Variants in EXOC2 observed in about 807,000 individuals in gnomAD.
The protein encoded by EXOC2 is exocyst complex component 2.
A neutral mutation model predicts 131.8 loss-of-function variants in EXOC2; 70 were observed. That is an observed-to-expected ratio of 0.53 (90% confidence interval 0.44 to 0.65). The LOEUF (loss-of-function observed/expected upper bound fraction) is 0.65, where lower values mean the gene tolerates loss of function less well. Ranked by LOEUF, EXOC2 falls within the 30% of genes least tolerant of loss-of-function variation. The probability of loss-of-function intolerance (pLI) is 0.00; values close to 1 mark genes in which losing one functional copy is unlikely to be tolerated. For missense variants in EXOC2, 923 were observed against 1,108.6 expected, an observed-to-expected ratio of 0.83 and a Z score of 2.38; for synonymous variants, 411 against 398.4, an observed-to-expected ratio of 1.03 and a Z score of -0.38.
At chr6:504,471 C>CA (rs1466470484) in intron 23 of EXOC2, among the ~76,000 whole-genome samples, 1 of 152,222 alleles carries the variant, frequency 6.6e-6, no homozygotes, top group Admixed American at 6.5e-5. Context: ...GTGACGGTGA[C>CA]AGAGGGGCCA....
Position 618,555 on chromosome 6 carries a change from A to G in EXOC2, c.537-720T>C, listed in dbSNP as rs193061958. ...ATAGAAATTCTACATCTGTAATGTA[A>G]AATCAGAATCATCTTCTACAATGAA... On this transcript the variant is annotated intron_variant, in intron 5 of 27. Transcript: ENST00000230449. 3.0e-4 allele frequency among the ~76,000 whole-genome samples: 45 copies of G among 152,366 alleles called. No homozygotes were observed. In the East Asian group the frequency reaches 6.7e-3, roughly 23 times the overall value.
At chr6:510,828 AT>A (rs977053273) in intron 23 of EXOC2, among the ~76,000 whole-genome samples, 6 of 152,016 alleles carry the variant, frequency 3.9e-5, no homozygotes, top group South Asian at 2.1e-4. Flanking sequence ...TTTGTCAGAA[AT>A]TTTTTTTTCA....
chr6:629,902 C>T lies in EXOC2; in HGVS notation c.355G>A (p.Asp119Asn). The change falls in exon 4 of 28, where the codon GAC becomes AAC. Residue 119 changes from aspartate (D) to asparagine (N), a missense_variant. Physicochemically the swap from Asp to Asn is conservative, Grantham distance 23. Transcript: ENST00000230449. ...AAGGGCGGAATTCCTTTGTTCCTGT[C>T]AGTGCGCATATCATAATAATTCATT... The part of the protein sequence containing the change: ...DEMNYYDMRT[D>N]RNKGIPPLSL... The T allele has an allele frequency of 1.9e-6, 3 of 1,614,156 alleles. No individual in the cohort carries two copies. The highest frequency in any genetic ancestry group is 2.5e-6 in the Non-Finnish European group (3 of 1,179,994).
chr6:566,716 G>A (rs771658252), intron 13 of EXOC2, among the ~76,000 whole-genome samples: 17 of 152,162 alleles, frequency 1.1e-4, no homozygotes, highest in East Asian at 9.7e-4. Context: ...TGTCTATACC[G>A]TCTAGTTTGT....
At chr6:544,695 A>T (rs990376149) in intron 22 of EXOC2, among the ~76,000 whole-genome samples, 1 of 152,214 alleles carries the variant, frequency 6.6e-6, no homozygotes, top group Non-Finnish European at 1.5e-5. Flanking sequence ...ATAAGCTACA[A>T]TAATCAAACA....
intron 25 of EXOC2, among the ~76,000 whole-genome samples, chr6:495,893 CT>C (rs60591084): frequency 0.043 from 6,599 of 152,124 alleles, 494 homozygotes; most frequent in African/African-American, 0.15. Flanking sequence ...GCTCCGCTTG[CT>C]TTTTTCCCCC....
intron 26 of EXOC2, among the ~76,000 whole-genome samples, chr6:490,387 A>C (rs1763361393): frequency 1.3e-5 from 2 of 152,232 alleles, no homozygotes; most frequent in African/African-American, 4.8e-5. Context: ...GGTGTGGCTC[A>C]ACAGTGAACA....
At chr6:516,584 T>C (rs552878896) in intron 23 of EXOC2, among the ~76,000 whole-genome samples, 14 of 152,314 alleles carry the variant, frequency 9.2e-5, no homozygotes, top group Admixed American at 8.5e-4. Flanking sequence ...GACTAAACTG[T>C]TTAAGAACAG....
intron 23 of EXOC2, among the ~76,000 whole-genome samples, chr6:502,936 C>CTA (rs1050650241): frequency 6.6e-6 from 1 of 152,154 alleles, no homozygotes; most frequent in East Asian, 1.9e-4. Context: ...AGTGGTACCG[C>CTA]TAGTCAAACC....
intron 1 of EXOC2, chr6:655,842 TC>T (rs548985210): frequency 1.6e-5 from 5 of 316,316 alleles, no homozygotes; most frequent in East Asian, 5.9e-5. Flanking sequence ...ACCCTGTTTT[TC>T]CCCCCCGAAA....
intron 16 of EXOC2, among the ~76,000 whole-genome samples, chr6:563,349 AAG>A (rs1227113341): frequency 2.0e-5 from 3 of 152,220 alleles, no homozygotes; most frequent in African/African-American, 7.2e-5. Context: ...GTAATCAACT[AAG>A]AGGGGAATAT....
intron 1 of EXOC2, among the ~76,000 whole-genome samples, chr6:687,182 T>TTTTC: frequency 8.0e-6 from 1 of 124,322 alleles, no homozygotes; most frequent in African/African-American, 3.0e-5. Context: ...TTTTTTTTTT[T>TTTTC]TTTTTTTTTT....
chr6:557,668 TGG>T (rs1399207248), intron 17 of EXOC2, among the ~76,000 whole-genome samples: 1 of 145,336 alleles, frequency 6.9e-6, no homozygotes, highest in Admixed American at 6.8e-5. Flanking sequence ...ACAATCATGA[TGG>T]GGGATCGGCT....
chr6:690,790 C>A (rs180710941), intron 1 of EXOC2, among the ~76,000 whole-genome samples: 49 of 152,306 alleles, frequency 3.2e-4, no homozygotes, highest in African/African-American at 1.2e-3. Context: ...CTAATATAAA[C>A]ATACTCTAAA....
intron 15 of EXOC2, 118 bp downstream of exon 15, chr6:564,427 G>A (rs1757860047): frequency 7.2e-7 from 1 of 1,394,352 alleles, no homozygotes; most frequent in South Asian, 1.3e-5. Flanking sequence ...AAACAGTGGA[G>A]GCAAAAGGAC....
chr6:614,974 A>G (rs1303432763), intron 6 of EXOC2, among the ~76,000 whole-genome samples: 1 of 152,144 alleles, frequency 6.6e-6, no homozygotes, highest in Non-Finnish European at 1.5e-5. Flanking sequence ...CACAAAAAAG[A>G]TATCTCTGAA....
At chr6:663,590 T>A (rs781279928) in intron 1 of EXOC2, among the ~76,000 whole-genome samples, 2 of 152,148 alleles carry the variant, frequency 1.3e-5, no homozygotes, top group African/African-American at 4.8e-5. Context: ...TAATCCACCA[T>A]GATCAAGGGA....
At chr6:493,077 A>G (rs1253024194) in intron 25 of EXOC2, among the ~76,000 whole-genome samples, 1 of 152,230 alleles carries the variant, frequency 6.6e-6, no homozygotes, top group Non-Finnish European at 1.5e-5. Context: ...GACACACAGG[A>G]GAACATTTAA....
intron 1 of EXOC2, among the ~76,000 whole-genome samples, chr6:658,669 T>TTATATATATATATATA (rs1561983485): frequency 9.5e-6 from 1 of 104,938 alleles, no homozygotes; most frequent in Non-Finnish European, 2.0e-5. Flanking sequence ...ATATATATTT[T>TTATATATATATATATA]TTTTTTTTTT....
Sources: gnomAD v4.1 joint callset for allele counts (sites outside exome capture counted in the v4.1 genomes callset) on GRCh38, gnomAD v4.1.1 for gene constraint, MANE v1.5 for transcripts, NCBI Gene and HGNC (gene_info 2026-07-23, HGNC 2026-07-21) for gene names.